Variants in ARID1B observed in about 807,000 individuals in gnomAD.
ARID1B encodes the protein AT-rich interaction domain 1B, also known as AT-rich interactive domain-containing protein 1B.
ARID1B carries 30 observed loss-of-function variants against 212.3 expected under a neutral mutation model. The observed-to-expected ratio is 0.14, with a 90% CI of 0.11 to 0.19. The LOEUF is 0.19. Among genes scored for constraint, ARID1B ranks in the 10% least tolerant of loss-of-function variants. The pLI is 1.00. For missense variants in ARID1B, 2,891 were observed against 3,204.0 expected, an observed-to-expected ratio of 0.90 and a Z score of 2.36; for synonymous variants, 1,402 against 1,301.7, an observed-to-expected ratio of 1.08 and a Z score of -1.66.
chr6:156,991,462 C>G (rs1778271731), intron 4 of ARID1B, among the ~76,000 whole-genome samples: 1 of 152,042 alleles, frequency 6.6e-6, no homozygotes, highest in Non-Finnish European at 1.5e-5. Flanking sequence ...GAACTCTTGA[C>G]CTCAGGTGAT....
At chr6:157,072,538 A>G (rs1253660714) in intron 4 of ARID1B, 1 of 152,170 alleles carries the variant, frequency 6.6e-6, no homozygotes, top group African/African-American at 2.4e-5. Context: ...TTTTCGTTCA[A>G]TCTTTTCAAT....
chr6:156,829,482 G>C (rs951448600), intron 2 of ARID1B, 61 bp downstream of exon 2: 3 of 1,499,438 alleles, frequency 2.0e-6, no homozygotes, highest in Admixed American at 2.0e-5. Context: ...GCCTTTTGCT[G>C]TCCACCTAAG....
chr6:157,038,306 G>A (rs1781468272), intron 4 of ARID1B, among the ~76,000 whole-genome samples: 1 of 152,070 alleles, frequency 6.6e-6, no homozygotes, highest in African/African-American at 2.4e-5. Flanking sequence ...TCCTCCATGT[G>A]CTACATCTTT....
chr6:157,130,400 A>C (rs1015215433), intron 6 of ARID1B, among the ~76,000 whole-genome samples: 3 of 152,214 alleles, frequency 2.0e-5, no homozygotes, highest in African/African-American at 7.2e-5. Context: ...AACACTTGAG[A>C]ATTTTATAGT....
intron 4 of ARID1B, among the ~76,000 whole-genome samples, chr6:157,076,039 T>C (rs181237743): frequency 1.3e-5 from 2 of 152,322 alleles, no homozygotes; most frequent in East Asian, 1.9e-4. Context: ...TTTTGATAAA[T>C]GTGCCATGTT....
At chr6:156,895,939 C>G (rs554931538) in intron 2 of ARID1B, among the ~76,000 whole-genome samples, 1 of 152,194 alleles carries the variant, frequency 6.6e-6, no homozygotes, top group Admixed American at 6.5e-5. Context: ...TAATATCTTA[C>G]GTATTCAAAT....
In ARID1B at chr6:157,174,024, A is replaced by G; in HGVS notation, c.3252A>G (p.Ala1084=). Residue 1084 remains alanine, a synonymous_variant, in exon 10 of 20, where the codon GCA becomes GCG. Coordinates refer to ENST00000636930, the MANE Select transcript of ARID1B (RefSeq NM_001374828.1). ...TTCGATTAGCATCTGTGGGTCTTGC[A>G]GATATGATGTCTCCTGGTGAATCCA... ...VNSSAASVGL[A]DMMSPGESKL... is the part of the protein sequence containing the mutation. 1 of 1,614,156 alleles carries G rather than the reference A, an allele frequency of 6.2e-7. No homozygotes were observed. Among genetic ancestry groups the G allele is most frequent in the Non-Finnish European group, 8.5e-7 (1 of 1,179,990 alleles).
intron 4 of ARID1B, among the ~76,000 whole-genome samples, chr6:157,070,208 G>GT (rs558938508): frequency 1.4e-5 from 2 of 146,842 alleles, no homozygotes; most frequent in Non-Finnish European, 3.0e-5. Context: ...TGTTCATTTT[G>GT]TTTTTTTCTT....
At chr6:156,934,626 G>A (rs556427556) in intron 3 of ARID1B, among the ~76,000 whole-genome samples, 1 of 151,894 alleles carries the variant, frequency 6.6e-6, no homozygotes, top group Non-Finnish European at 1.5e-5. Context: ...GCTTAATAAC[G>A]ATTTACGCTG....
At chr6:157,194,659 C>T (rs1261317706) in intron 15 of ARID1B, 1 of 152,190 alleles carries the variant, frequency 6.6e-6, no homozygotes, top group Non-Finnish European at 1.5e-5. Flanking sequence ...TTGAGCTATT[C>T]TTAACTCCTT....
chr6:157,116,717 G>T (rs1223438422), intron 6 of ARID1B, among the ~76,000 whole-genome samples: 1 of 151,912 alleles, frequency 6.6e-6, no homozygotes, highest in Non-Finnish European at 1.5e-5. Flanking sequence ...TCAGATCGGT[G>T]CTGAAAGCAT....
intron 4 of ARID1B, among the ~76,000 whole-genome samples, chr6:156,989,372 T>G (rs1215187279): frequency 2.0e-5 from 3 of 152,202 alleles, no homozygotes; most frequent in Admixed American, 2.0e-4. Context: ...GTTATGAAGA[T>G]TCCAAGCAAA....
At chr6:157,193,123 A>G (rs752201677) in intron 15 of ARID1B, among the ~76,000 whole-genome samples, 1 of 152,192 alleles carries the variant, frequency 6.6e-6, no homozygotes, top group Admixed American at 6.5e-5. Context: ...AATGAACATC[A>G]TTTTATATGT....
At chr6:157,199,818 C>T (rs1793978548) in intron 17 of ARID1B, among the ~76,000 whole-genome samples, 1 of 151,796 alleles carries the variant, frequency 6.6e-6, no homozygotes, top group Non-Finnish European at 1.5e-5. Flanking sequence ...CACCCGCCAC[C>T]ATGCCCAGCT....
At chr6:157,021,412 G>T (rs1446842485) in intron 4 of ARID1B, among the ~76,000 whole-genome samples, 7 of 152,194 alleles carry the variant, frequency 4.6e-5, no homozygotes, top group Non-Finnish European at 8.8e-5. Context: ...CGAGGATGAG[G>T]GCGGCGAGCG....
chr6:157,071,171 C>G (rs190506799), intron 4 of ARID1B: 1 of 152,308 alleles, frequency 6.6e-6, no homozygotes, highest in Non-Finnish European at 1.5e-5. Flanking sequence ...AATGTCTTAT[C>G]TACTTAGCAG....
At chr6:156,942,630 A>C (rs535128426) in intron 4 of ARID1B, 9 of 152,036 alleles carry the variant, frequency 5.9e-5, no homozygotes, top group African/African-American at 1.2e-4. Flanking sequence ...AAAAAAAAAA[A>C]AACACATGAC....
chr6:156,841,498 C>T (rs1783901497), intron 2 of ARID1B, among the ~76,000 whole-genome samples: 1 of 152,134 alleles, frequency 6.6e-6, no homozygotes, highest in South Asian at 2.1e-4. Context: ...ACAATTGTCT[C>T]CTCTCTGGAC....
intron 6 of ARID1B, among the ~76,000 whole-genome samples, chr6:157,117,856 C>G (rs181068819): frequency 7.3e-6 from 1 of 136,276 alleles, no homozygotes; most frequent in East Asian, 1.9e-4. Flanking sequence ...TGCTGCTGCT[C>G]CCCCCTGCCT....
Sources: gnomAD v4.1 joint callset for allele counts (sites outside exome capture counted in the v4.1 genomes callset) on GRCh38, gnomAD v4.1.1 for gene constraint, MANE v1.5 for transcripts, NCBI Gene and HGNC (gene_info 2026-07-23, HGNC 2026-07-21) for gene names.